Variants in SLC25A24 observed in about 807,000 individuals in gnomAD.
SLC25A24 encodes the protein mitochondrial adenyl nucleotide antiporter SLC25A24.
Under a neutral mutation model 60.7 loss-of-function variants are expected in SLC25A24, and 49 were observed. The observed-to-expected ratio is 0.81, with a 90% CI of 0.64 to 1.02. SLC25A24 has a LOEUF of 1.02. SLC25A24 is among the 50% of genes least tolerant of loss of function. The pLI is 0.00. For synonymous variants in SLC25A24, 202 were observed against 200.6 expected (o/e 1.01, Z -0.06); for missense variants, 564 against 586.3 (o/e 0.96, Z 0.39).
intron 8 of SLC25A24, among the ~76,000 whole-genome samples, chr1:108,143,162 G>C (rs1679489545): frequency 6.6e-6 from 1 of 152,262 alleles, no homozygotes; most frequent in Non-Finnish European, 1.5e-5. Flanking sequence ...AGATTGCAGG[G>C]TTGATCCAAG....
At chr1:108,157,361 A>G (rs1679929097) in intron 5 of SLC25A24, 101 bp downstream of exon 5, 14 of 1,283,094 alleles carry the variant, frequency 1.1e-5, no homozygotes, top group Non-Finnish European at 1.5e-5. Flanking sequence ...GGTATAAAAG[A>G]TTATTACTGA....
intron 7 of SLC25A24, among the ~76,000 whole-genome samples, chr1:108,145,654 A>G (rs1275098110): frequency 1.3e-5 from 2 of 152,160 alleles, no homozygotes; most frequent in African/African-American, 4.8e-5. Context: ...TCCCAACACC[A>G]TACATTAAAT....
chr1:108,150,771 C>T (rs1173654229), intron 6 of SLC25A24, among the ~76,000 whole-genome samples: 2 of 151,146 alleles, frequency 1.3e-5, no homozygotes, highest in African/African-American at 4.9e-5. Flanking sequence ...CTTTCCATCT[C>T]CCACTCCCTT....
chr1:108,155,186 C>T, intron 5 of SLC25A24, 51 bp from the exon 6 acceptor site: 1 of 1,515,166 alleles, frequency 6.6e-7, no homozygotes, highest in Non-Finnish European at 9.0e-7. Flanking sequence ...ATTACTATTA[C>T]TTTTTCTAGA....
chr1:108,185,707 A>T, intron 2 of SLC25A24, 121 bp downstream of exon 2: 1 of 739,050 alleles, frequency 1.4e-6, no homozygotes, highest in Non-Finnish European at 2.1e-6. Context: ...AAAAAAAAGT[A>T]TTAACACAAA....
chr1:108,200,214 G>A lies in SLC25A24; in HGVS notation c.-76C>T. The A allele has an allele frequency of 7.3e-7, 1 of 1,362,268 alleles. No homozygotes were observed. Among genetic ancestry groups the A allele is most frequent in the Non-Finnish European group, 9.6e-7 (1 of 1,044,254 alleles). The allele number at this position is 1,362,268 out of a possible 1,614,324, so 84.4% of individuals were successfully genotyped here. On this transcript the variant is annotated 5_prime_UTR_variant, in exon 1 of 10. Transcript: ENST00000565488. Reference sequence around the variant, plus strand: ...GCTGCGGGGCGAGACCGGGACCAGCGCGAGGCCGGGCTGGGCGGGGCGCGC... The same window carrying A: ...GCTGCGGGGCGAGACCGGGACCAGCACGAGGCCGGGCTGGGCGGGGCGCGC...
chr1:108,188,579 G>A (rs998686572), intron 1 of SLC25A24, among the ~76,000 whole-genome samples: 14 of 152,130 alleles, frequency 9.2e-5, no homozygotes, highest in African/African-American at 2.2e-4. Context: ...AAATATCAGC[G>A]AACAAGAATA....
At chr1:108,151,088 C>T (rs1275854533) in intron 6 of SLC25A24, among the ~76,000 whole-genome samples, 1 of 152,002 alleles carries the variant, frequency 6.6e-6, no homozygotes, top group African/African-American at 2.4e-5. Flanking sequence ...GTAATCCTAA[C>T]TACTCAGGAG....
chr1:108,170,514 T>A lies in SLC25A24; in HGVS notation c.399-9221A>T, dbSNP rs561645797. On this transcript the variant is annotated intron_variant, in intron 3 of 9. Transcript: ENST00000565488. Reference sequence around the variant, plus strand: ...TTAGAAGTTTTTGTCTTCACTAAAGTTTTTCTCTGCTTGACCTATCAAATA... The same window carrying A: ...TTAGAAGTTTTTGTCTTCACTAAAGATTTTCTCTGCTTGACCTATCAAATA... 3.4e-4 allele frequency among the ~76,000 whole-genome samples: 51 copies of A among 152,220 alleles called. No homozygotes were observed. In the South Asian group the frequency reaches 3.7e-3, roughly 11 times the overall value.
At chr1:108,157,714 T>TA (rs1326513740) in intron 4 of SLC25A24, 94 bp from the exon 5 acceptor site, 1 of 1,351,728 alleles carries the variant, frequency 7.4e-7, no homozygotes, top group African/African-American at 1.5e-5. Context: ...ATTTTACAGT[T>TA]AATATGAACT....
chr1:108,151,401 AT>A (rs935072413), intron 6 of SLC25A24, among the ~76,000 whole-genome samples: 1 of 152,038 alleles, frequency 6.6e-6, no homozygotes, highest in East Asian at 1.9e-4. Flanking sequence ...ATGGTTTCTC[AT>A]TTCATTACTT....
At chr1:108,167,543 G>C (rs1286446651) in intron 3 of SLC25A24, among the ~76,000 whole-genome samples, 2 of 151,720 alleles carry the variant, frequency 1.3e-5, no homozygotes, top group African/African-American at 2.4e-5. Context: ...AGGTGGGAGT[G>C]ACCCGATTTT....
chr1:108,134,795 A>C lies in SLC25A24; in HGVS notation c.*1858T>G, dbSNP rs192799717. ...AACTGAGACTTAAGAATTTTCTCTA[A>C]AAAAAATAAAAACTGGAAAACAAGT... On this transcript the variant is annotated 3_prime_UTR_variant, in exon 10 of 10. Coordinates refer to ENST00000565488, the MANE Select transcript of SLC25A24 (RefSeq NM_013386.5). 2.0e-5 allele frequency: 3 copies of C among 151,974 alleles called. No homozygotes were observed. The highest frequency in any genetic ancestry group is 6.6e-5 in the Admixed American group (1 of 15,264). The allele number at this position is 151,974 out of a possible 1,614,324, so 9.4% of individuals were successfully genotyped here. A position where few individuals can be genotyped will look rare whatever the true frequency, so the allele number is the denominator to read the frequency against.
chr1:108,178,348 T>C (rs1466660629), intron 3 of SLC25A24, among the ~76,000 whole-genome samples: 1 of 152,032 alleles, frequency 6.6e-6, no homozygotes, highest in Non-Finnish European at 1.5e-5. Flanking sequence ...CTAGAACAAA[T>C]GGACAGATCA....
At chr1:108,139,309 AG>A (rs1299801038) in intron 8 of SLC25A24, 101 bp from the exon 9 acceptor site, 1 of 1,241,170 alleles carries the variant, frequency 8.1e-7, no homozygotes, top group East Asian at 2.5e-5. Flanking sequence ...CCGTTTCTGC[AG>A]GATGAGGCCA....
chr1:108,162,116 A>G (rs1313946206), intron 3 of SLC25A24, among the ~76,000 whole-genome samples: 1 of 152,184 alleles, frequency 6.6e-6, no homozygotes, highest in African/African-American at 2.4e-5. Context: ...TCCCTACAAA[A>G]GACATGAACT....
At position 108,197,733 on chromosome 1, in the gene SLC25A24, A is replaced by G. The variant is rs578188432; in HGVS notation, c.183+2223T>C. Among the ~76,000 whole-genome samples, 4 of 152,312 alleles carry G rather than the reference A, an allele frequency of 2.6e-5. No homozygotes were observed. The South Asian group carries it at 8.3e-4, about 32-fold the overall frequency. ...AATTAAAGAAGACTGCCCTCACCAA[A>G]TGGGTAGGCATAATGCAATCCTGTG... On this transcript the variant is annotated intron_variant, in intron 1 of 9. Transcript: ENST00000565488.
chr1:108,183,885 C>G (rs1486061781), intron 2 of SLC25A24, among the ~76,000 whole-genome samples: 1 of 152,160 alleles, frequency 6.6e-6, no homozygotes, highest in Non-Finnish European at 1.5e-5. Context: ...TTTTTCACTG[C>G]TCTGTGCATG....
At chr1:108,183,060 A>C (rs1647985513) in intron 2 of SLC25A24, among the ~76,000 whole-genome samples, 1 of 152,196 alleles carries the variant, frequency 6.6e-6, no homozygotes, top group Admixed American at 6.5e-5. Flanking sequence ...GAGAATCCTA[A>C]GACTACTGTA....
Sources: gnomAD v4.1 joint callset for allele counts (sites outside exome capture counted in the v4.1 genomes callset) on GRCh38, gnomAD v4.1.1 for gene constraint, MANE v1.5 for transcripts, NCBI Gene and HGNC (gene_info 2026-07-23, HGNC 2026-07-21) for gene names.